PLEKHA5: variants seen among roughly 807,000 people sequenced by gnomAD.
PLEKHA5 encodes pleckstrin homology domain containing A5.
In PLEKHA5, 55 loss-of-function variants were observed where a neutral mutation model predicts 181.9. The observed-to-expected ratio is 0.30, with a 90% CI of 0.24 to 0.38. The LOEUF (loss-of-function observed/expected upper bound fraction) is 0.38. Ranked by LOEUF, PLEKHA5 falls within the 10% of genes least tolerant of loss-of-function variation. The pLI, the probability that PLEKHA5 is intolerant of heterozygous loss-of-function variation, is 1.00. For synonymous variants in PLEKHA5, 535 were observed against 529.4 expected (o/e 1.01, Z -0.15); for missense variants, 1,432 against 1,549.5 (o/e 0.92, Z 1.27).
At chr12:19,250,673 T>A (rs138320205) in intron 3 of PLEKHA5, among the ~76,000 whole-genome samples, 1 of 152,360 alleles carries the variant, frequency 6.6e-6, no homozygotes, top group East Asian at 1.9e-4. Context: ...ATTTTTTAAA[T>A]ACTTTTTTTT....
At chr12:19,210,372 A>T (rs1433894779) in intron 3 of PLEKHA5, among the ~76,000 whole-genome samples, 2 of 152,236 alleles carry the variant, frequency 1.3e-5, no homozygotes, top group Non-Finnish European at 2.9e-5. Context: ...AATCCAGAAC[A>T]GAGGACCTGT....
At chr12:19,196,505 C>T (rs1016854877) in intron 3 of PLEKHA5, among the ~76,000 whole-genome samples, 3 of 152,102 alleles carry the variant, frequency 2.0e-5, no homozygotes, top group Admixed American at 6.5e-5. Context: ...AAGAAGAAAA[C>T]CTACCCCTAT....
intron 15 of PLEKHA5, among the ~76,000 whole-genome samples, chr12:19,298,475 G>T (rs1194865564): frequency 8.0e-6 from 1 of 125,436 alleles, no homozygotes; most frequent in Middle Eastern, 6.3e-3. Context: ...GTCTCTTGGT[G>T]TCCCTGCCTC....
intron 22 of PLEKHA5, among the ~76,000 whole-genome samples, chr12:19,344,942 C>G (rs10841212): frequency 6.9e-6 from 1 of 145,724 alleles, no homozygotes; most frequent in East Asian, 2.0e-4. Flanking sequence ...AACCCCGGCT[C>G]TACTGAAAAA....
At chr12:19,331,816 A>G (rs1292842909) in intron 20 of PLEKHA5, among the ~76,000 whole-genome samples, 1 of 152,124 alleles carries the variant, frequency 6.6e-6, no homozygotes, top group Non-Finnish European at 1.5e-5. Context: ...TTAGCCTAGG[A>G]GTTCAGGACC....
At chr12:19,289,683 T>C (rs1397593689) in intron 13 of PLEKHA5, among the ~76,000 whole-genome samples, 1 of 152,218 alleles carries the variant, frequency 6.6e-6, no homozygotes, top group Non-Finnish European at 1.5e-5. Flanking sequence ...TATTTTCCTT[T>C]GGATCACAGT....
At chr12:19,374,633 TG>T (rs55811366) in intron 31 of PLEKHA5, among the ~76,000 whole-genome samples, 150,776 of 150,842 alleles carry the variant, frequency 1, 75,355 homozygotes, top group Middle Eastern at 1. Flanking sequence ...CACTCCAGCC[TG>T]GGCGACAGAG....
rs374248632 is a variant in PLEKHA5 at position 19,193,096 on chromosome 12, CT to C, written c.227+60650del. Among the ~76,000 whole-genome samples, 213 of 152,294 alleles carry C rather than the reference CT, an allele frequency of 1.4e-3. 1 individual carries two copies. Among genetic ancestry groups the C allele is most frequent in the South Asian group, 0.014 (66 of 4,830 alleles). On this transcript the variant is annotated intron_variant, in intron 3 of 31. Transcript: ENST00000429027. Reference sequence around the variant, plus strand: ...GTTGACCCCTGTTTCAGATTTTAGACTTTTACATTGTAGATTAGGTTTTGGA... The same window carrying C: ...GTTGACCCCTGTTTCAGATTTTAGACTTTACATTGTAGATTAGGTTTTGGA...
At chr12:19,135,939 G>T (rs2035510654) in intron 3 of PLEKHA5, among the ~76,000 whole-genome samples, 1 of 150,168 alleles carries the variant, frequency 6.7e-6, no homozygotes, top group African/African-American at 2.5e-5. Flanking sequence ...GAGTGCAGTG[G>T]CTCTATCACA....
At chr12:19,340,958 A>G (rs1303815924) in intron 21 of PLEKHA5, among the ~76,000 whole-genome samples, 4 of 116,996 alleles carry the variant, frequency 3.4e-5, no homozygotes, top group African/African-American at 9.9e-5. Flanking sequence ...AAAAAAAAAA[A>G]AAAAGAAAGA....
At chr12:19,364,815 GC>G in intron 29 of PLEKHA5, among the ~76,000 whole-genome samples, 1 of 151,954 alleles carries the variant, frequency 6.6e-6, no homozygotes, top group East Asian at 2.0e-4. Flanking sequence ...ATAGGCGCCT[GC>G]CACTGTGCCC....
intron 7 of PLEKHA5, among the ~76,000 whole-genome samples, chr12:19,263,865 G>A (rs1592248627): frequency 6.6e-6 from 1 of 152,124 alleles, no homozygotes; most frequent in South Asian, 2.1e-4. Context: ...GAAAGGCCTC[G>A]GCTGACCCCA....
At chr12:19,172,812 G>A (rs1372013692) in intron 3 of PLEKHA5, among the ~76,000 whole-genome samples, 2 of 151,968 alleles carry the variant, frequency 1.3e-5, no homozygotes, top group Non-Finnish European at 2.9e-5. Flanking sequence ...GCAGAGCCAG[G>A]AAAATAACAC....
intron 31 of PLEKHA5, 127 bp downstream of exon 31, chr12:19,369,925 T>C (rs1275719288): frequency 2.2e-6 from 1 of 456,564 alleles, no homozygotes; most frequent in African/African-American, 2.0e-5. Context: ...GCAGAACAAG[T>C]AGGCATATCT....
intron 15 of PLEKHA5, among the ~76,000 whole-genome samples, chr12:19,305,238 A>C (rs1006995179): frequency 1.2e-4 from 18 of 152,122 alleles, no homozygotes; most frequent in Non-Finnish European, 2.4e-4. Flanking sequence ...CATATAATTC[A>C]GTGGTTTTTG....
At chr12:19,155,222 T>C (rs1001507636) in intron 3 of PLEKHA5, among the ~76,000 whole-genome samples, 3 of 152,188 alleles carry the variant, frequency 2.0e-5, no homozygotes, top group Non-Finnish European at 4.4e-5. Context: ...AAAATAAATA[T>C]GTTTTTATAA....
At chr12:19,289,693 T>C (rs1345769631) in intron 13 of PLEKHA5, among the ~76,000 whole-genome samples, 1 of 152,172 alleles carries the variant, frequency 6.6e-6, no homozygotes, top group Non-Finnish European at 1.5e-5. Flanking sequence ...TGGATCACAG[T>C]CACCAATCAG....
At chr12:19,137,601 T>C (rs2036032720) in intron 3 of PLEKHA5, among the ~76,000 whole-genome samples, 2 of 152,204 alleles carry the variant, frequency 1.3e-5, no homozygotes, top group South Asian at 4.1e-4. Flanking sequence ...TTGGGGAACA[T>C]AGACTTATTT....
chr12:19,336,662 G>C (rs1369725131), intron 21 of PLEKHA5, 46 bp downstream of exon 21: 3 of 1,044,302 alleles, frequency 2.9e-6, no homozygotes, highest in Non-Finnish European at 4.4e-6. Flanking sequence ...TGTTTTTACT[G>C]GTACTGTACA....
Sources: gnomAD v4.1 joint callset for allele counts (sites outside exome capture counted in the v4.1 genomes callset) on GRCh38, gnomAD v4.1.1 for gene constraint, MANE v1.5 for transcripts, NCBI Gene and HGNC (gene_info 2026-07-23, HGNC 2026-07-21) for gene names.